NECAB1: variants seen among roughly 807,000 people sequenced by gnomAD.
NECAB1 encodes the protein N-terminal EF-hand calcium binding protein 1.
A neutral mutation model predicts 57.5 loss-of-function variants in NECAB1; 29 were observed. The ratio of observed to expected loss-of-function variants is 0.50; its 90% CI spans 0.38 to 0.69. NECAB1 has a LOEUF of 0.69. Ranked by LOEUF, NECAB1 falls within the 30% of genes least tolerant of loss-of-function variation. The pLI is 0.00. For missense variants in NECAB1, 372 were observed against 413.8 expected (o/e 0.90, Z 0.88); for synonymous variants, 142 against 147.7 (o/e 0.96, Z 0.28).
intron 11 of NECAB1, among the ~76,000 whole-genome samples, chr8:90,950,141 G>C (rs1810895830): frequency 6.6e-6 from 1 of 152,132 alleles, no homozygotes; most frequent in South Asian, 2.1e-4. Context: ...TTTCAGATAA[G>C]AAGATATAGA....
In NECAB1 at chr8:90,791,998, G is replaced by A. The variant is rs372845577; in HGVS notation, c.99+13G>A. 1.9e-6 allele frequency: 3 copies of A among 1,548,366 alleles called. No homozygotes were observed. Among genetic ancestry groups the A allele is most frequent in the African/African-American group, 2.7e-5 (2 of 72,966 alleles). ...GATCTTCCTCGACGTAAGTACAGATGGTGGGAGCTGGGCGGTTGCTTCCCA... is the reference window on the plus strand; with the variant it reads ...GATCTTCCTCGACGTAAGTACAGATAGTGGGAGCTGGGCGGTTGCTTCCCA... On this transcript the variant is annotated intron_variant, in intron 1 of 12. Transcript: ENST00000417640.
chr8:90,906,719 C>T (rs1334877230), intron 5 of NECAB1, among the ~76,000 whole-genome samples: 1 of 151,598 alleles, frequency 6.6e-6, no homozygotes, highest in Non-Finnish European at 1.5e-5. Context: ...TTGGAACTTT[C>T]AGAAATTTTG....
intron 1 of NECAB1, among the ~76,000 whole-genome samples, chr8:90,800,916 C>T (rs1326334390): frequency 6.6e-6 from 1 of 152,078 alleles, no homozygotes. Flanking sequence ...TCCAGAAGAA[C>T]ATTAGAAATC....
chr8:90,857,605 A>T (rs1910726), intron 3 of NECAB1, among the ~76,000 whole-genome samples: 70,188 of 151,932 alleles, frequency 0.46, 19,667 homozygotes, highest in East Asian at 0.77. Flanking sequence ...CTATCAGCAA[A>T]GTTAAAAATG....
intron 3 of NECAB1, among the ~76,000 whole-genome samples, chr8:90,833,487 C>T (rs1271524320): frequency 1.3e-5 from 2 of 151,786 alleles, no homozygotes; most frequent in Admixed American, 6.6e-5. Context: ...ACATGTGCCA[C>T]GGTGGTTTGC....
In NECAB1 at chr8:90,913,660, G is replaced by A. The variant is rs543067926; in HGVS notation, c.358-3832G>A. On this transcript the variant is annotated intron_variant, in intron 5 of 12. Transcript: ENST00000417640. ...GCAAAAAATCTCTTTTTGTACCTTC[G>A]CTACCAACACATTTGCTGAGAATTA... 9.9e-5 allele frequency among the ~76,000 whole-genome samples: 15 copies of A among 152,206 alleles called. No individual in the cohort carries two copies. The South Asian group carries it at 1.0e-3, about 11-fold the overall frequency.
At chr8:90,815,273 G>A (rs568203513) in intron 2 of NECAB1, among the ~76,000 whole-genome samples, 1 of 152,098 alleles carries the variant, frequency 6.6e-6, no homozygotes, top group East Asian at 1.9e-4. Context: ...CTATTTTACA[G>A]TTACTTAAGT....
chr8:90,825,864 A>G (rs780548626), intron 3 of NECAB1, among the ~76,000 whole-genome samples: 1 of 151,846 alleles, frequency 6.6e-6, no homozygotes, highest in Admixed American at 6.6e-5. Context: ...CTCAACAATA[A>G]CTCTAGCATA....
At chr8:90,889,956 T>TTTGA (rs201874530) in intron 5 of NECAB1, among the ~76,000 whole-genome samples, 1,457 of 110,984 alleles carry the variant, frequency 0.013, 24 homozygotes, top group African/African-American at 0.074. Context: ...ACTGTGTGTG[T>TTTGA]GTGAGTGTGT....
At chr8:90,803,237 T>C (rs928653044) in intron 2 of NECAB1, among the ~76,000 whole-genome samples, 11 of 152,156 alleles carry the variant, frequency 7.2e-5, no homozygotes, top group Non-Finnish European at 1.3e-4. Context: ...GATGGCATCA[T>C]TTTGTCTTCT....
chr8:90,811,487 A>G (rs1811959301), intron 2 of NECAB1, among the ~76,000 whole-genome samples: 1 of 152,212 alleles, frequency 6.6e-6, no homozygotes, highest in African/African-American at 2.4e-5. Flanking sequence ...CCAAAGATGA[A>G]TAAAAATTCA....
At chr8:90,833,129 G>A (rs1812318401) in intron 3 of NECAB1, among the ~76,000 whole-genome samples, 1 of 151,886 alleles carries the variant, frequency 6.6e-6, no homozygotes, top group Admixed American at 6.6e-5. Context: ...TGTGGACATT[G>A]TTTCCACTCT....
At chr8:90,873,900 C>T (rs990461233) in intron 4 of NECAB1, among the ~76,000 whole-genome samples, 8 of 152,126 alleles carry the variant, frequency 5.3e-5, no homozygotes, top group Admixed American at 2.6e-4. Context: ...AGTTAGGTCC[C>T]TATCCTGTAT....
At chr8:90,905,349 T>C (rs1809614424) in intron 5 of NECAB1, among the ~76,000 whole-genome samples, 1 of 152,208 alleles carries the variant, frequency 6.6e-6, no homozygotes, top group Non-Finnish European at 1.5e-5. Context: ...TGGGCAATTG[T>C]GACTTATCTT....
At chr8:90,827,411 C>T (rs926357503) in intron 3 of NECAB1, among the ~76,000 whole-genome samples, 1 of 152,018 alleles carries the variant, frequency 6.6e-6, no homozygotes, top group Non-Finnish European at 1.5e-5. Context: ...GGCTACCCAG[C>T]TCCTGCCTTT....
intron 5 of NECAB1, among the ~76,000 whole-genome samples, chr8:90,884,943 T>G (rs985028077): frequency 1.3e-4 from 20 of 152,174 alleles, no homozygotes; most frequent in Non-Finnish European, 2.8e-4. Context: ...GGGAACTCAA[T>G]GCCTCTGGAA....
At chr8:90,887,386 C>T (rs928763480) in intron 5 of NECAB1, among the ~76,000 whole-genome samples, 1 of 152,198 alleles carries the variant, frequency 6.6e-6, no homozygotes, top group Admixed American at 6.5e-5. Flanking sequence ...GGAACAAGAT[C>T]ATTTTCCACA....
rs188399914 is a variant in NECAB1, at chr8:90,932,199, C to G, written c.694-2105C>G. Among the ~76,000 whole-genome samples the G allele has an allele frequency of 5.7e-4, 87 of 152,290 alleles. No homozygotes were observed. In the East Asian group the frequency reaches 0.015, roughly 27 times the overall value. On this transcript the variant is annotated intron_variant, in intron 8 of 12. Coordinates refer to ENST00000417640, the MANE Select transcript of NECAB1 (RefSeq NM_022351.5). ...CAAGGAGATTACTAGGCTACAGTTT[C>G]TATCTGTGGAGTACTTTTTAGTTTT...
rs547997374 is a variant in NECAB1 at position 90,914,944 on chromosome 8, G to T, written c.358-2548G>T. 1.2e-4 allele frequency among the ~76,000 whole-genome samples: 18 copies of T among 152,240 alleles called. 1 individual carries two copies. The South Asian group carries it at 3.7e-3, about 32-fold the overall frequency. The stretch of plus-strand genomic sequence containing the variant: ...AGCTGAAACCTAATTGCAATGACTG[G>T]AATGTTTAAAATGACTAACTATAAT... On this transcript the variant is annotated intron_variant, in intron 5 of 12. Coordinates refer to ENST00000417640, the MANE Select transcript of NECAB1 (RefSeq NM_022351.5).
Sources: allele counts gnomAD v4.1 joint callset (sites outside exome capture counted in the v4.1 genomes callset), GRCh38; gene constraint gnomAD v4.1.1; transcripts MANE v1.5; gene names NCBI Gene and HGNC (gene_info 2026-07-23, HGNC 2026-07-21).